MBD5: variants seen among roughly 807,000 people sequenced by gnomAD.
MBD5 encodes the protein methyl-CpG-binding domain protein 5.
MBD5 carries 13 observed loss-of-function variants against 117.3 expected under a neutral mutation model. That is an observed-to-expected ratio of 0.11 (90% confidence interval 0.07 to 0.18). The LOEUF is 0.18. Among genes scored for constraint, MBD5 ranks in the 10% least tolerant of loss-of-function variants. The pLI, the probability that MBD5 is intolerant of heterozygous loss-of-function variation, is 1.00. For missense variants in MBD5, 1,879 were observed against 2,093.8 expected (o/e 0.90, Z 2.00); for synonymous variants, 727 against 766.4 (o/e 0.95, Z 0.85).
intron 1 of MBD5, among the ~76,000 whole-genome samples, chr2:148,092,725 T>TGA (rs912426623): frequency 2.0e-5 from 3 of 151,866 alleles, no homozygotes; most frequent in Admixed American, 6.6e-5. Context: ...ACTGCTCAGG[T>TGA]GATAGGTTCA....
chr2:148,059,732 G>A (rs1364781372), intron 1 of MBD5, among the ~76,000 whole-genome samples: 2 of 151,948 alleles, frequency 1.3e-5, no homozygotes, highest in African/African-American at 4.8e-5. Context: ...TGTAGTCCCA[G>A]CTACTTGGGA....
chr2:148,090,325 C>T (rs1433204284), intron 1 of MBD5, among the ~76,000 whole-genome samples: 2 of 151,976 alleles, frequency 1.3e-5, no homozygotes, highest in African/African-American at 4.8e-5. Context: ...AGAGAATCTT[C>T]CCTAAATCAT....
chr2:148,508,477 G>T (rs1331395685), intron 12 of MBD5, among the ~76,000 whole-genome samples: 1 of 151,732 alleles, frequency 6.6e-6, no homozygotes, highest in Non-Finnish European at 1.5e-5. Context: ...AGGGGGGAAG[G>T]TGAGGGAAAA....
intron 1 of MBD5, among the ~76,000 whole-genome samples, chr2:148,126,060 G>A (rs1696881418): frequency 6.6e-6 from 1 of 152,062 alleles, no homozygotes; most frequent in Non-Finnish European, 1.5e-5. Flanking sequence ...GTGTTCAAGA[G>A]ATCTGTTTAC....
intron 3 of MBD5, among the ~76,000 whole-genome samples, chr2:148,328,134 C>T (rs1274781772): frequency 6.6e-6 from 1 of 152,182 alleles, no homozygotes; most frequent in Non-Finnish European, 1.5e-5. Context: ...CTGGGGGGTG[C>T]CTCCTAGTTA....
chr2:148,248,059 G>A (rs1700377758), intron 3 of MBD5, among the ~76,000 whole-genome samples: 1 of 152,062 alleles, frequency 6.6e-6, no homozygotes, highest in Non-Finnish European at 1.5e-5. Flanking sequence ...TGCTGAAGCT[G>A]GTAAATTCTG....
At chr2:148,339,909 A>G (rs1001574436) in intron 3 of MBD5, among the ~76,000 whole-genome samples, 2 of 152,136 alleles carry the variant, frequency 1.3e-5, no homozygotes, top group Non-Finnish European at 2.9e-5. Context: ...TCTTGTGCAT[A>G]ACTATACCTG....
intron 2 of MBD5, among the ~76,000 whole-genome samples, chr2:148,223,488 A>G (rs1699744099): frequency 1.3e-5 from 2 of 151,998 alleles, no homozygotes; most frequent in African/African-American, 4.8e-5. Flanking sequence ...TAATCTTGGT[A>G]TGTTGTATTT....
rs895595689 is a variant in MBD5 at position 148,436,965 on chromosome 2, T to A, written c.-556-21238T>A. 1.8e-4 allele frequency among the ~76,000 whole-genome samples: 27 copies of A among 152,096 alleles called. 1 individual carries two copies. The highest frequency in any genetic ancestry group is 2.8e-4 in the Non-Finnish European group (19 of 67,968). Reference sequence around the variant, plus strand: ...TTTTTATGTTGGTATTTGAACTTCCTATGAATATATGTTTTTATTTATTTT... The same window carrying A: ...TTTTTATGTTGGTATTTGAACTTCCAATGAATATATGTTTTTATTTATTTT... On this transcript the variant is annotated intron_variant, in intron 4 of 13. Coordinates refer to ENST00000642680, the MANE Select transcript of MBD5 (RefSeq NM_001378120.1).
chr2:148,430,178 G>A (rs1037830565), intron 4 of MBD5, among the ~76,000 whole-genome samples: 4 of 152,074 alleles, frequency 2.6e-5, no homozygotes, highest in African/African-American at 9.7e-5. Flanking sequence ...AATGAATTTA[G>A]TGCTTACTAT....
chr2:148,345,567 G>C (rs201784241), intron 4 of MBD5, among the ~76,000 whole-genome samples: 5 of 37,464 alleles, frequency 1.3e-4, no homozygotes, highest in African/African-American at 5.7e-4. Context: ...GTATATACAC[G>C]TATACACATA....
At chr2:148,408,344 G>T (rs1021302134) in intron 4 of MBD5, among the ~76,000 whole-genome samples, 4 of 152,040 alleles carry the variant, frequency 2.6e-5, no homozygotes, top group African/African-American at 9.7e-5. Context: ...CCTCCAAGTC[G>T]TTCCAGATTC....
chr2:148,310,593 CAG>C (rs1330387103), intron 3 of MBD5, among the ~76,000 whole-genome samples: 2 of 152,050 alleles, frequency 1.3e-5, no homozygotes, highest in Non-Finnish European at 2.9e-5. Context: ...TTCAAAAAAC[CAG>C]CTCCTGGATT....
At chr2:148,202,819 G>C (rs1249277481) in intron 2 of MBD5, among the ~76,000 whole-genome samples, 1 of 152,022 alleles carries the variant, frequency 6.6e-6, no homozygotes, top group Non-Finnish European at 1.5e-5. Flanking sequence ...CTTGAGGTCA[G>C]GAGTTCGAGA....
At chr2:148,157,778 G>C (rs968411839) in intron 1 of MBD5, among the ~76,000 whole-genome samples, 13 of 152,198 alleles carry the variant, frequency 8.5e-5, no homozygotes, top group African/African-American at 1.7e-4. Flanking sequence ...ATAGAAGTAA[G>C]TGTGCTATGA....
chr2:148,486,895 A>G (rs1453774633), intron 10 of MBD5, among the ~76,000 whole-genome samples: 1 of 152,170 alleles, frequency 6.6e-6, no homozygotes, highest in Non-Finnish European at 1.5e-5. Flanking sequence ...AGCATATCAG[A>G]TTTTTTAAAT....
rs113046349 is a variant in MBD5, at chr2:148,436,201, G to A, written c.-556-22002G>A. ...GGAAGATTGACATGTTTTCTTAAAT[G>A]TAATATTTCTTGATACTCCCTAATA... On this transcript the variant is annotated intron_variant, in intron 4 of 13. Transcript: ENST00000642680. 2.9e-3 allele frequency among the ~76,000 whole-genome samples: 449 copies of A among 152,302 alleles called. 2 individuals are homozygous for A. Among genetic ancestry groups the A allele is most frequent in the African/African-American group, 0.01 (431 of 41,578 alleles).
At chr2:148,136,134 G>C (rs1209804122) in intron 1 of MBD5, among the ~76,000 whole-genome samples, 1 of 152,112 alleles carries the variant, frequency 6.6e-6, no homozygotes, top group Non-Finnish European at 1.5e-5. Context: ...CACATTCTCA[G>C]GTGACCACAT....
chr2:148,371,533 G>T (rs1366173572), intron 4 of MBD5, among the ~76,000 whole-genome samples: 6 of 152,220 alleles, frequency 3.9e-5, no homozygotes, highest in Non-Finnish European at 7.4e-5. Flanking sequence ...AGGAAACTAG[G>T]CTATAAATAT....
Sources: allele counts gnomAD v4.1 joint callset (sites outside exome capture counted in the v4.1 genomes callset), GRCh38; gene constraint gnomAD v4.1.1; transcripts MANE v1.5; gene names NCBI Gene and HGNC (gene_info 2026-07-23, HGNC 2026-07-21).